The following GPD2 variants were observed in gnomAD, a reference collection of about 807,000 sequenced individuals.
GPD2 encodes the protein glycerol-3-phosphate dehydrogenase, mitochondrial.
In GPD2, 54 loss-of-function variants were observed where a neutral mutation model predicts 82.4. The observed-to-expected ratio is 0.66, with a 90% CI of 0.53 to 0.82. The LOEUF (loss-of-function observed/expected upper bound fraction) is 0.82. GPD2 is among the 40% of genes least tolerant of loss of function. GPD2 has a pLI of 0.00. For synonymous variants in GPD2, 288 were observed against 306.1 expected (o/e 0.94, Z 0.62); for missense variants, 748 against 896.2 (o/e 0.83, Z 2.11).
At chr2:156,487,250 G>A (rs1345556018) in intron 2 of GPD2, among the ~76,000 whole-genome samples, 1 of 152,100 alleles carries the variant, frequency 6.6e-6, no homozygotes, top group Non-Finnish European at 1.5e-5. Flanking sequence ...TGGAAGTTGT[G>A]CTTTGGAGCT....
intron 1 of GPD2, among the ~76,000 whole-genome samples, chr2:156,465,575 G>A (rs1326497145): frequency 1.3e-5 from 2 of 151,982 alleles, no homozygotes; most frequent in Admixed American, 6.6e-5. Context: ...TCCCAGGTTG[G>A]TCTTGAACTC....
intron 6 of GPD2, among the ~76,000 whole-genome samples, chr2:156,515,846 A>T (rs968752520): frequency 6.6e-6 from 1 of 152,180 alleles, no homozygotes; most frequent in Admixed American, 6.5e-5. Context: ...ACTTGAGGTG[A>T]GGCAAAACAA....
At chr2:156,459,908 C>T (rs1019851420) in intron 1 of GPD2, among the ~76,000 whole-genome samples, 2 of 151,844 alleles carry the variant, frequency 1.3e-5, no homozygotes, top group African/African-American at 4.8e-5. Context: ...AGCTGCCAGA[C>T]GAATGACTGA....
At chr2:156,573,065 G>A (rs2105369284) in intron 13 of GPD2, among the ~76,000 whole-genome samples, 1 of 152,246 alleles carries the variant, frequency 6.6e-6, no homozygotes, top group Admixed American at 6.5e-5. Flanking sequence ...TAGTCACATG[G>A]CCTGTTTTTA....
At chr2:156,524,512 C>T (rs888779291) in intron 6 of GPD2, among the ~76,000 whole-genome samples, 6 of 152,174 alleles carry the variant, frequency 3.9e-5, no homozygotes, top group African/African-American at 1.4e-4. Flanking sequence ...TCTGGCACCT[C>T]TTTCACCATG....
At chr2:156,402,873 A>T in the GPD2 span, among the ~76,000 whole-genome samples, 1 of 152,034 alleles carries the variant, frequency 6.6e-6, no homozygotes, top group Non-Finnish European at 1.5e-5. Flanking sequence ...AATCTAAAGA[A>T]TCTTAGATTA....
chr2:156,467,249 A>C (rs1251518355), intron 1 of GPD2, among the ~76,000 whole-genome samples: 1 of 152,204 alleles, frequency 6.6e-6, no homozygotes, highest in Admixed American at 6.5e-5. Context: ...TCTTGGAAGC[A>C]GGCTGGCCTT....
intron 6 of GPD2, among the ~76,000 whole-genome samples, chr2:156,544,119 A>G (rs920603520): frequency 9.2e-5 from 14 of 152,178 alleles, no homozygotes; most frequent in Non-Finnish European, 5.9e-5. Flanking sequence ...CTCTTCTGAT[A>G]TAGTCTGGGT....
intron 1 of GPD2, among the ~76,000 whole-genome samples, chr2:156,474,991 G>A (rs527813718): frequency 6.6e-6 from 1 of 151,958 alleles, no homozygotes; most frequent in South Asian, 2.1e-4. Flanking sequence ...ATGCATGGCG[G>A]CATGCACTTG....
Position 156,570,116 on chromosome 2 carries a change from T to C in GPD2, c.1506T>C (p.Gly502=), listed in dbSNP as rs1253792058. The C allele has an allele frequency of 3.1e-6, 5 of 1,611,844 alleles. No individual in the cohort carries two copies. In the Admixed American group the frequency reaches 6.7e-5, roughly 22 times the overall value. Residue 502 remains glycine (G), a synonymous_variant, in exon 12 of 17, where the codon GGT becomes GGC. Coordinates refer to ENST00000438166, the MANE Select transcript of GPD2 (RefSeq NM_000408.5). ...CACAGCATCTTGCCGCCACCTATGG[T>C]GATAAGGCCTTTGAGGTGGCCAAAA... is the stretch of plus-strand genomic sequence containing the variant. ...EVAQHLAATY[G]DKAFEVAKMA...
chr2:156,403,485 T>C, the GPD2 span, among the ~76,000 whole-genome samples: 1 of 151,618 alleles, frequency 6.6e-6, no homozygotes, highest in Non-Finnish European at 1.5e-5. Context: ...AGCAGGAAAA[T>C]AGAAAAAGGC....
In GPD2 at chr2:156,489,161, T is replaced by C. The variant is rs1684057084; in HGVS notation, c.103-6883T>C. On this transcript the variant is annotated intron_variant, in intron 2 of 16. Coordinates refer to ENST00000438166, the MANE Select transcript of GPD2 (RefSeq NM_000408.5). ...TGATGAGGTACAAGTGTGAAGCCAG[T>C]GAGCAGGAATCCTGGACTAACAAGA... 5.3e-5 allele frequency among the ~76,000 whole-genome samples: 8 copies of C among 152,322 alleles called. No individual in the cohort carries two copies. The South Asian group carries it at 1.7e-3, about 32-fold the overall frequency.
intron 1 of GPD2, among the ~76,000 whole-genome samples, chr2:156,439,623 G>A (rs577656582): frequency 2.7e-5 from 4 of 147,776 alleles, no homozygotes; most frequent in Admixed American, 6.8e-5. Context: ...TAGGCAGGCG[G>A]ATCACCTGAG....
chr2:156,426,215 G>A, the GPD2 span, among the ~76,000 whole-genome samples: 7 of 152,220 alleles, frequency 4.6e-5, no homozygotes, highest in Non-Finnish European at 7.3e-5. Context: ...GAGCCACCAC[G>A]CCCGGCCAAG....
At chr2:156,478,433 C>G (rs1002353343) in intron 2 of GPD2, among the ~76,000 whole-genome samples, 4 of 152,020 alleles carry the variant, frequency 2.6e-5, no homozygotes, top group Non-Finnish European at 4.4e-5. Flanking sequence ...GATTCCTGTC[C>G]CTTTAAGATA....
chr2:156,476,813 A>G (rs1466199505), intron 2 of GPD2, among the ~76,000 whole-genome samples: 1 of 152,208 alleles, frequency 6.6e-6, no homozygotes, highest in Non-Finnish European at 1.5e-5. Flanking sequence ...ATGCCCGGAA[A>G]TAATTTTGCT....
the GPD2 span, among the ~76,000 whole-genome samples, chr2:156,428,651 AT>A: frequency 3.3e-5 from 5 of 152,222 alleles, no homozygotes; most frequent in Admixed American, 3.3e-4. Flanking sequence ...GGCCTAGAGA[AT>A]TTTTAAATAA....
intron 1 of GPD2, among the ~76,000 whole-genome samples, chr2:156,461,880 C>T (rs1683001636): frequency 6.6e-6 from 1 of 152,202 alleles, no homozygotes; most frequent in South Asian, 2.1e-4. Flanking sequence ...TGTATGTTAC[C>T]TGAACCAATG....
At chr2:156,527,989 C>A (rs1249007952) in intron 6 of GPD2, among the ~76,000 whole-genome samples, 1 of 151,966 alleles carries the variant, frequency 6.6e-6, no homozygotes, top group Admixed American at 6.6e-5. Context: ...CATTGTACTT[C>A]AATAGTTACC....
Sources: allele counts gnomAD v4.1 joint callset (sites outside exome capture counted in the v4.1 genomes callset), GRCh38; gene constraint gnomAD v4.1.1; transcripts MANE v1.5; gene names NCBI Gene and HGNC (gene_info 2026-07-23, HGNC 2026-07-21).